STAM2: variants seen among roughly 807,000 people sequenced by gnomAD.
The protein encoded by STAM2 is signal transducing adaptor molecule 2.
STAM2 carries 51 observed loss-of-function variants against 65.6 expected under a neutral mutation model. That is an observed-to-expected ratio of 0.78 (90% CI 0.62 to 0.98). The LOEUF is 0.98. Ranked by LOEUF, STAM2 falls within the 50% of genes least tolerant of loss-of-function variation. The pLI, the probability that STAM2 is intolerant of heterozygous loss-of-function variation, is 0.00. For missense variants in STAM2, 584 were observed against 617.8 expected (o/e 0.95, Z 0.58); for synonymous variants, 198 against 208.4 (o/e 0.95, Z 0.43).
intron 7 of STAM2, among the ~76,000 whole-genome samples, chr2:152,136,481 A>G (rs980443224): frequency 1.3e-5 from 2 of 152,070 alleles, no homozygotes; most frequent in African/African-American, 2.4e-5. Context: ...AGTAAACAGG[A>G]AACACAAGTG....
intron 1 of STAM2, among the ~76,000 whole-genome samples, chr2:152,157,818 C>T (rs1352939780): frequency 6.6e-6 from 1 of 152,156 alleles, no homozygotes; most frequent in Non-Finnish European, 1.5e-5. Context: ...AATAGGCCTC[C>T]CTCACAAAGA....
chr2:152,175,658 G>C lies in STAM2; in HGVS notation c.-16C>G. The stretch of plus-strand genomic sequence containing the variant: ...ACAAAGGCATCTCGCCGGCGCCCGA[G>C]CCCTAGTCGCTGCTGTCTAGCTGAC... On this transcript the variant is annotated 5_prime_UTR_variant, in exon 1 of 14. Transcript: ENST00000263904. The C allele has an allele frequency of 6.2e-7, 1 of 1,608,648 alleles. No homozygotes were observed. The highest frequency in any genetic ancestry group is 1.3e-5 in the African/African-American group (1 of 74,922).
chr2:152,143,304 C>T (rs1453274870), intron 7 of STAM2, among the ~76,000 whole-genome samples: 2 of 152,154 alleles, frequency 1.3e-5, no homozygotes, highest in Non-Finnish European at 2.9e-5. Context: ...CTCACTCTTG[C>T]TAAATTTCAT....
intron 10 of STAM2, 88 bp downstream of exon 10, chr2:152,133,085 G>GC (rs1159828456): frequency 3.5e-6 from 2 of 565,492 alleles, no homozygotes; most frequent in African/African-American, 2.0e-5. Flanking sequence ...ACCTCTAGAG[G>GC]CAAATACAAG....
At chr2:152,172,553 G>A (rs12328733) in intron 1 of STAM2, among the ~76,000 whole-genome samples, 32,190 of 151,946 alleles carry the variant, frequency 0.21, 3,643 homozygotes, top group Admixed American at 0.3. Context: ...GTTACTTCCT[G>A]TTGGGAAAGT....
chr2:152,142,174 C>T (rs1689260688), intron 7 of STAM2, among the ~76,000 whole-genome samples: 1 of 152,176 alleles, frequency 6.6e-6, no homozygotes, highest in South Asian at 2.1e-4. Context: ...GTCAAAATGA[C>T]AGCAATTGAC....
At chr2:152,171,581 C>T (rs1389170726) in intron 1 of STAM2, among the ~76,000 whole-genome samples, 1 of 152,250 alleles carries the variant, frequency 6.6e-6, no homozygotes, top group Non-Finnish European at 1.5e-5. Flanking sequence ...AAAAGGACTG[C>T]ATGACTGCAT....
In STAM2 at chr2:152,122,074, A is replaced by ATGTGTGTGTG. The variant is rs1255769897; in HGVS notation, c.1350-1273_1350-1272insCACACACACA. Among the ~76,000 whole-genome samples, 83 of 135,608 alleles carry ATGTGTGTGTG rather than the reference A, an allele frequency of 6.1e-4. No individual in the cohort carries two copies. The Middle Eastern group carries it at 0.011, about 18-fold the overall frequency. 89.0% of individuals were successfully genotyped at this position (135,608 alleles called of 152,430 possible). A position where few individuals can be genotyped will look rare whatever the true frequency, so the allele number is the denominator to read the frequency against. ...AAAAAAAAAATATATATATATATAT[A>ATGTGTGTGTG]TATGTGTGTGTGTGTGTGTGTGTGT... On this transcript the variant is annotated intron_variant, in intron 13 of 13. Coordinates refer to ENST00000263904, the MANE Select transcript of STAM2 (RefSeq NM_005843.6).
chr2:152,166,538 A>G (rs1689789418), intron 1 of STAM2, among the ~76,000 whole-genome samples: 1 of 152,298 alleles, frequency 6.6e-6, no homozygotes, highest in Non-Finnish European at 1.5e-5. Context: ...TCAGAATGTC[A>G]ATAATTTTCA....
At position 152,162,460 on chromosome 2, in the gene STAM2, G is replaced by A. The variant is rs971940808; in HGVS notation, c.41-12231C>T. 9.9e-5 allele frequency among the ~76,000 whole-genome samples: 15 copies of A among 152,242 alleles called. 1 individual carries two copies. The South Asian group carries it at 3.1e-3, about 32-fold the overall frequency. On this transcript the variant is annotated intron_variant, in intron 1 of 13. Transcript: ENST00000263904. ...TCTGGTACGGTGATGCGCACCTGTA[G>A]TTCTAGGTACTCAGAAGGCTGAGGC...
chr2:152,168,646 A>C (rs1689841757), intron 1 of STAM2, among the ~76,000 whole-genome samples: 1 of 152,240 alleles, frequency 6.6e-6, no homozygotes, highest in East Asian at 1.9e-4. Flanking sequence ...GAATAAAAAT[A>C]TATTTTAAAC....
intron 13 of STAM2, among the ~76,000 whole-genome samples, chr2:152,122,758 G>A (rs1678819877): frequency 6.6e-6 from 1 of 151,986 alleles, no homozygotes; most frequent in Non-Finnish European, 1.5e-5. Flanking sequence ...GAGTAAAAGT[G>A]TTTTTATTTA....
In STAM2 at chr2:152,118,839, T is replaced by G. The variant is rs980071407; in HGVS notation, c.*1735A>C. On this transcript the variant is annotated 3_prime_UTR_variant, in exon 14 of 14. Transcript: ENST00000263904. ...GAATAAAAAACAGAACATGAGATAT[T>G]AAAGGTTAAAACTTTCTGTTCAGTT... is the stretch of plus-strand genomic sequence containing the variant. 6.6e-6 allele frequency: 1 copy of G among 152,104 alleles called. No homozygotes were observed. Among genetic ancestry groups the G allele is most frequent in the African/African-American group, 2.4e-5 (1 of 41,442 alleles). 9.4% of individuals were successfully genotyped at this position (152,104 alleles called of 1,614,324 possible). A position where few individuals can be genotyped will look rare whatever the true frequency, so the allele number is the denominator to read the frequency against.
chr2:152,137,652 T>C (rs1330697899), intron 7 of STAM2, among the ~76,000 whole-genome samples: 7 of 152,188 alleles, frequency 4.6e-5, no homozygotes, highest in Non-Finnish European at 7.3e-5. Context: ...TTTTCTTTCA[T>C]GGCTTATGCT....
intron 1 of STAM2, among the ~76,000 whole-genome samples, chr2:152,153,089 T>C (rs1435181645): frequency 6.6e-6 from 1 of 152,136 alleles, no homozygotes; most frequent in Admixed American, 6.5e-5. Context: ...AAAAGCATGA[T>C]CAGAATATAA....
At chr2:152,162,497 T>C (rs545002587) in intron 1 of STAM2, among the ~76,000 whole-genome samples, 6 of 152,326 alleles carry the variant, frequency 3.9e-5, no homozygotes, top group South Asian at 2.1e-4. Flanking sequence ...GGAGAATACA[T>C]GAGCCCAGGA....
Position 152,117,316 on chromosome 2 carries a change from C to T in STAM2, c.*3258G>A, listed in dbSNP as rs1172920772. On this transcript the variant is annotated 3_prime_UTR_variant, in exon 14 of 14. Transcript: ENST00000263904. ...AGCTGGGACTACAGGTGCACTACCACACCTGGCTAAGTTTTAAAATTTTTG... is the reference window on the plus strand; with the variant it reads ...AGCTGGGACTACAGGTGCACTACCATACCTGGCTAAGTTTTAAAATTTTTG... The T allele has an allele frequency of 6.6e-6, 1 of 152,126 alleles. No homozygotes were observed. The allele number at this position is 152,126 out of a possible 1,614,324, so 9.4% of individuals were successfully genotyped here.
At chr2:152,170,482 C>CAA (rs111603376) in intron 1 of STAM2, among the ~76,000 whole-genome samples, 1 of 101,868 alleles carries the variant, frequency 9.8e-6, no homozygotes, top group Non-Finnish European at 2.2e-5. Flanking sequence ...GACTCCGTCT[C>CAA]AAAAAAAAAA....
intron 1 of STAM2, among the ~76,000 whole-genome samples, chr2:152,160,210 C>T (rs927158312): frequency 1.3e-5 from 2 of 151,774 alleles, no homozygotes; most frequent in African/African-American, 4.8e-5. Flanking sequence ...ATGTGAGGAG[C>T]CCCTCCGCCT....
Sources: gnomAD v4.1 joint callset for allele counts (sites outside exome capture counted in the v4.1 genomes callset) on GRCh38, gnomAD v4.1.1 for gene constraint, MANE v1.5 for transcripts, NCBI Gene and HGNC (gene_info 2026-07-23, HGNC 2026-07-21) for gene names.